DLGAP1: variants seen among roughly 807,000 people sequenced by gnomAD.
DLGAP1 encodes the protein disks large-associated protein 1.
In DLGAP1, 11 loss-of-function variants were observed where a neutral mutation model predicts 90.8. The observed-to-expected ratio is 0.12, with a 90% confidence interval of 0.08 to 0.20. DLGAP1 has a LOEUF of 0.20. Among genes scored for constraint, DLGAP1 ranks in the 10% least tolerant of loss-of-function variants. The probability of loss-of-function intolerance (pLI) is 1.00; values close to 1 mark genes in which losing one functional copy is unlikely to be tolerated. For synonymous variants in DLGAP1, 558 were observed against 540.7 expected, an observed-to-expected ratio of 1.03 and a Z score of -0.44; for missense variants, 1,050 against 1,333.8, an observed-to-expected ratio of 0.79 and a Z score of 3.31.
chr18:3,589,315 A>G (rs781511799), intron 7 of DLGAP1, among the ~76,000 whole-genome samples: 6 of 152,240 alleles, frequency 3.9e-5, no homozygotes, highest in Non-Finnish European at 8.8e-5. Flanking sequence ...CACTCTGGTT[A>G]TCCTTCAAGT....
At chr18:4,137,791 C>T (rs1217986938) in intron 2 of DLGAP1, among the ~76,000 whole-genome samples, 1 of 151,964 alleles carries the variant, frequency 6.6e-6, no homozygotes, top group Non-Finnish European at 1.5e-5. Context: ...TTTGTATTCT[C>T]CTAAATTCTT....
intron 7 of DLGAP1, among the ~76,000 whole-genome samples, chr18:3,622,079 T>C (rs2058113363): frequency 6.6e-6 from 1 of 152,118 alleles, no homozygotes; most frequent in South Asian, 2.1e-4. Flanking sequence ...TGGCTGTGTG[T>C]GTACCCACTG....
chr18:3,799,018 C>T (rs987647319), intron 5 of DLGAP1, among the ~76,000 whole-genome samples: 4 of 152,094 alleles, frequency 2.6e-5, no homozygotes, highest in African/African-American at 9.7e-5. Flanking sequence ...GGATTACAGG[C>T]ACCTGCTACC....
chr18:4,401,830 TA>T (rs1182041032), intron 1 of DLGAP1, among the ~76,000 whole-genome samples: 2 of 149,788 alleles, frequency 1.3e-5, no homozygotes, highest in Non-Finnish European at 3.0e-5. Context: ...TAACAATTTT[TA>T]AATGATAGGT....
chr18:3,569,400 A>G (rs1164524846), intron 8 of DLGAP1, among the ~76,000 whole-genome samples: 6 of 151,896 alleles, frequency 4.0e-5, no homozygotes, highest in Non-Finnish European at 8.8e-5. Context: ...TTTCTTAATC[A>G]TAGGATCTCT....
chr18:4,236,614 T>C (rs1406665470), intron 1 of DLGAP1, among the ~76,000 whole-genome samples: 1 of 152,168 alleles, frequency 6.6e-6, no homozygotes, highest in Non-Finnish European at 1.5e-5. Context: ...ATAAATATTT[T>C]TTTCCCTCCC....
At chr18:3,596,942 G>A (rs762708464) in intron 7 of DLGAP1, 1 of 519,888 alleles carries the variant, frequency 1.9e-6, no homozygotes, top group Non-Finnish European at 3.8e-6. Flanking sequence ...ACACCAGCTG[G>A]TCCCCTGGGT....
intron 2 of DLGAP1, among the ~76,000 whole-genome samples, chr18:4,112,767 C>G (rs1204719679): frequency 1.3e-5 from 2 of 152,148 alleles, no homozygotes; most frequent in Middle Eastern, 3.4e-3. Context: ...ACCTCTCTCC[C>G]CTCTCCAGTA....
intron 3 of DLGAP1, among the ~76,000 whole-genome samples, chr18:3,989,356 C>A (rs1022800213): frequency 6.6e-6 from 1 of 152,118 alleles, no homozygotes; most frequent in African/African-American, 2.4e-5. Flanking sequence ...GTAGCCTTTA[C>A]GGGCAGGAAC....
intron 1 of DLGAP1, among the ~76,000 whole-genome samples, chr18:4,348,029 A>C (rs1213043090): frequency 6.6e-6 from 1 of 152,180 alleles, no homozygotes; most frequent in African/African-American, 2.4e-5. Context: ...ATTATAAATA[A>C]ATAACCACAG....
At chr18:3,570,775 GA>G (rs1293299323) in intron 8 of DLGAP1, among the ~76,000 whole-genome samples, 2 of 150,974 alleles carry the variant, frequency 1.3e-5, no homozygotes, top group Admixed American at 1.3e-4. Flanking sequence ...CAAAAAATAA[GA>G]AAAAAAATAG....
At chr18:4,241,930 A>G (rs117344210) in intron 1 of DLGAP1, among the ~76,000 whole-genome samples, 2,849 of 152,304 alleles carry the variant, frequency 0.019, 36 homozygotes, top group Non-Finnish European at 0.027. Flanking sequence ...ATCATGTACC[A>G]CATGTTGTTT....
chr18:3,930,258 T>C (rs916636341), intron 3 of DLGAP1, among the ~76,000 whole-genome samples: 1 of 152,214 alleles, frequency 6.6e-6, no homozygotes, highest in Non-Finnish European at 1.5e-5. Flanking sequence ...AAACTCAGTT[T>C]TCATGAAAAC....
intron 1 of DLGAP1, among the ~76,000 whole-genome samples, chr18:4,330,100 TTGTG>T (rs991917743): frequency 6.6e-6 from 1 of 152,020 alleles, no homozygotes; most frequent in African/African-American, 2.4e-5. Flanking sequence ...CTTTGATAGT[TTGTG>T]TTTTTCAAAA....
At chr18:4,081,815 G>C (rs1053334134) in intron 2 of DLGAP1, among the ~76,000 whole-genome samples, 4 of 152,134 alleles carry the variant, frequency 2.6e-5, no homozygotes, top group East Asian at 3.8e-4. Flanking sequence ...TTTGTCCCAG[G>C]CCATTGTATA....
intron 7 of DLGAP1, among the ~76,000 whole-genome samples, chr18:3,674,596 G>C (rs2060228602): frequency 6.7e-6 from 1 of 150,374 alleles, no homozygotes; most frequent in African/African-American, 2.5e-5. Context: ...CTTCAGCCTG[G>C]GTGACAGAGC....
chr18:4,374,136 T>C (rs866385551), intron 1 of DLGAP1, among the ~76,000 whole-genome samples: 10 of 152,162 alleles, frequency 6.6e-5, no homozygotes, highest in African/African-American at 2.4e-4. Context: ...AAGAAGTATT[T>C]GGAGAGCCAG....
rs1015066327 is a variant in DLGAP1 at position 4,454,687 on chromosome 18, C to A, written c.-267+319G>T. On this transcript the variant is annotated intron_variant, in intron 1 of 12. Coordinates refer to ENST00000315677, the MANE Select transcript of DLGAP1 (RefSeq NM_004746.4). The surrounding 1 kb of genome is among the most constrained non-coding windows in gnomAD (Gnocchi z 4.7). ...GGGACCGGTGTTCTCCTCCCCTCCC[C>A]CTTCCGGGACCCTGTCGCAATTAGA... 3.9e-5 allele frequency among the ~76,000 whole-genome samples: 6 copies of A among 152,028 alleles called. No homozygotes were observed. Among genetic ancestry groups the A allele is most frequent in the Non-Finnish European group, 8.8e-5 (6 of 67,972 alleles).
chr18:3,843,321 C>A lies in DLGAP1; in HGVS notation c.958-29048G>T, dbSNP rs112368545. Reference sequence around the variant, plus strand: ...CCACTACAGACAAAAGATCATGAAGCTGATGCTGGCCAAAGAGCCTTGCAC... The same window carrying A: ...CCACTACAGACAAAAGATCATGAAGATGATGCTGGCCAAAGAGCCTTGCAC... On this transcript the variant is annotated intron_variant, in intron 4 of 12. Transcript: ENST00000315677. Among the ~76,000 whole-genome samples the A allele has an allele frequency of 6.4e-4, 98 of 152,332 alleles. 1 individual carries two copies. The highest frequency in any genetic ancestry group is 2.2e-3 in the African/African-American group (92 of 41,584).
Sources: gnomAD v4.1 joint callset for allele counts (sites outside exome capture counted in the v4.1 genomes callset) on GRCh38, gnomAD v4.1.1 for gene constraint, Gnocchi (gnomAD v3.1) non-coding constraint, MANE v1.5 for transcripts, NCBI Gene and HGNC (gene_info 2026-07-23, HGNC 2026-07-21) for gene names.